ZNF140: variants seen among roughly 807,000 people sequenced by gnomAD.
The protein encoded by ZNF140 is zinc finger protein 140 (clone pHZ-39).
ZNF140 carries 13 observed loss-of-function variants against 12.9 expected under a neutral mutation model. That is an observed-to-expected ratio of 1.01 (90% CI 0.66 to 1.60). The LOEUF is 1.60. Among genes scored for constraint, ZNF140 ranks in the 40% most tolerant of loss-of-function variants. ZNF140 has a pLI of 0.00. For missense variants in ZNF140, 531 were observed against 548.8 expected (o/e 0.97, Z 0.32); for synonymous variants, 214 against 186.7 (o/e 1.15, Z -1.19).
At chr12:133,083,368 T>G in intron 3 of ZNF140, 98 bp from the exon 4 acceptor site, 2 of 1,504,596 alleles carry the variant, frequency 1.3e-6, no homozygotes, top group Non-Finnish European at 1.8e-6. Context: ...CTGCACCTTA[T>G]TTTTAGACAT....
intron 2 of ZNF140, chr12:133,081,745 A>G (rs1324158728): frequency 2.9e-6 from 1 of 340,348 alleles, no homozygotes; most frequent in Non-Finnish European, 5.8e-6. Flanking sequence ...CCTCTTTCCC[A>G]CAGTGTTAGA....
rs988866575 is a variant in ZNF140 at position 133,096,013 on chromosome 12, C to T, written c.233-9497C>T. Among the ~76,000 whole-genome samples the T allele has an allele frequency of 2.4e-3, 355 of 150,544 alleles. 5 individuals carry two copies. Among genetic ancestry groups the T allele is most frequent in the African/African-American group, 6.2e-3 (257 of 41,180 alleles). ...TCTATCTCAACTGCAAGAGGCTTTCCTCTTTTACCAATCCACCTCAGCACA... is the reference window on the plus strand; with the variant it reads ...TCTATCTCAACTGCAAGAGGCTTTCTTCTTTTACCAATCCACCTCAGCACA... On this transcript the variant is annotated intron_variant, in intron 4 of 4. Transcript: ENST00000355557.
intron 4 of ZNF140, among the ~76,000 whole-genome samples, chr12:133,087,941 G>T (rs1348413959): frequency 2.0e-5 from 3 of 152,016 alleles, no homozygotes; most frequent in Non-Finnish European, 4.4e-5. Context: ...GACCAGCTTG[G>T]CCAACATGGT....
In ZNF140 at chr12:133,086,267, A is replaced by G. The variant is rs769005550; in HGVS notation, c.232+2706A>G. ...AATGCACCTCTTTATGTTATTAGAT[A>G]ATGCCAAAATGTTTTCCAAAGACCC... On this transcript the variant is annotated intron_variant, in intron 4 of 4. Coordinates refer to ENST00000355557, the MANE Select transcript of ZNF140 (RefSeq NM_003440.4). Among the ~76,000 whole-genome samples, 802 of 152,294 alleles carry G rather than the reference A, an allele frequency of 5.3e-3. 8 individuals are homozygous for G. The highest frequency in any genetic ancestry group is 0.019 in the African/African-American group (779 of 41,548).
At position 133,082,919 on chromosome 12, in the gene ZNF140, C is replaced by T. The variant is rs1593739109; in HGVS notation, c.10-184C>T. ...ATAATTTATGTTTTTCTCCTTTTCT[C>T]CAGTTATACAACAAAACACAAGAGC... On this transcript the variant is annotated intron_variant, in intron 2 of 4. Transcript: ENST00000355557. 24 of 742,080 alleles carry T rather than the reference C, an allele frequency of 3.2e-5. No homozygotes were observed. The East Asian group carries it at 6.2e-4, about 19-fold the overall frequency. 46.0% of individuals were successfully genotyped at this position (742,080 alleles called of 1,614,324 possible).
At chr12:133,103,404 G>T (rs1204167014) in intron 4 of ZNF140, among the ~76,000 whole-genome samples, 1 of 151,506 alleles carries the variant, frequency 6.6e-6, no homozygotes, top group East Asian at 1.9e-4. Flanking sequence ...AAGTACAGAT[G>T]CACAGTACCG....
chr12:133,096,714 C>T (rs1468406956), intron 4 of ZNF140, among the ~76,000 whole-genome samples: 1 of 152,116 alleles, frequency 6.6e-6, no homozygotes, highest in Non-Finnish European at 1.5e-5. Context: ...TGGTTTCATT[C>T]CATTGTGGTC....
At chr12:133,099,291 G>T (rs1955247927) in intron 4 of ZNF140, among the ~76,000 whole-genome samples, 1 of 151,986 alleles carries the variant, frequency 6.6e-6, no homozygotes. Context: ...TCCTGCCTCA[G>T]CTTCCTTCCT....
chr12:133,081,372 A>ATATATATAT lies in ZNF140; in HGVS notation c.9+43_9+44insTATATATAT, dbSNP rs1954490088. 1.4e-3 allele frequency: 147 copies of ATATATATAT among 108,378 alleles called. 2 individuals are homozygous for ATATATATAT. The highest frequency in any genetic ancestry group is 6.1e-3 in the African/African-American group (87 of 14,274). 6.7% of individuals were successfully genotyped at this position (108,378 alleles called of 1,614,324 possible). On this transcript the variant is annotated intron_variant, in intron 2 of 4. Transcript: ENST00000355557. ...AAATATATATATATATATATATATA[A>ATATATATAT]ATTTTTATTTTTTTTTTAAGAGAGA...
chr12:133,081,229 C>T, intron 1 of ZNF140, 44 bp from the exon 2 acceptor site: 3 of 1,021,920 alleles, frequency 2.9e-6, no homozygotes, highest in Middle Eastern at 3.3e-4. Flanking sequence ...TTGGGCGCGG[C>T]CTAGCTGGCC....
Position 133,105,853 on chromosome 12 carries a change from G to C in ZNF140, c.576G>C (p.Lys192Asn). 1 of 1,614,092 alleles carries C rather than the reference G, an allele frequency of 6.2e-7. No individual in the cohort carries two copies. Among genetic ancestry groups the C allele is most frequent in the Non-Finnish European group, 8.5e-7 (1 of 1,180,020 alleles). ...CTGGAGAGAAACCATATGCATGTAA[G>C]GAATGTGGCAAAACCTTTAGCCAGA... is the stretch of plus-strand genomic sequence containing the variant. ...THTGEKPYAC[K>N]ECGKTFSQIS... Residue 192 changes from lysine to asparagine, a missense_variant, in exon 5 of 5, where the codon AAG becomes AAC. Physicochemically the swap from Lys to Asn is moderately conservative, Grantham distance 94 (BLOSUM62 0). Coordinates refer to ENST00000355557, the MANE Select transcript of ZNF140 (RefSeq NM_003440.4).
intron 4 of ZNF140, chr12:133,093,655 C>G (rs920831271): frequency 2.0e-5 from 12 of 586,362 alleles, no homozygotes; most frequent in African/African-American, 5.7e-5. Context: ...TTCTTTTTAC[C>G]AGTAAAATGT....
intron 4 of ZNF140, among the ~76,000 whole-genome samples, chr12:133,101,798 A>G (rs1453790005): frequency 1.3e-5 from 2 of 152,076 alleles, no homozygotes; most frequent in African/African-American, 4.8e-5. Flanking sequence ...TAAAATTTTC[A>G]TTTATCTCCT....
chr12:133,095,430 A>G (rs1593775441), intron 4 of ZNF140, among the ~76,000 whole-genome samples: 1 of 150,834 alleles, frequency 6.6e-6, no homozygotes, highest in Non-Finnish European at 1.5e-5. Context: ...CGTTCTTAGC[A>G]TACCTTCACC....
chr12:133,083,304 A>AT, intron 3 of ZNF140, 75 bp downstream of exon 3: 1 of 1,555,696 alleles, frequency 6.4e-7, no homozygotes, highest in South Asian at 1.2e-5. Context: ...CTGGCTGAAT[A>AT]TTCCCAAGAG....
chr12:133,101,960 T>G (rs1217312951), intron 4 of ZNF140, among the ~76,000 whole-genome samples: 1 of 143,942 alleles, frequency 6.9e-6, no homozygotes, highest in East Asian at 2.0e-4. Flanking sequence ...CTGTTCAAAC[T>G]TTTTTTTTTT....
At chr12:133,095,631 C>CT (rs1425496096) in intron 4 of ZNF140, among the ~76,000 whole-genome samples, 1 of 151,460 alleles carries the variant, frequency 6.6e-6, no homozygotes, top group Admixed American at 6.6e-5. Flanking sequence ...GCACCGGCCT[C>CT]TGAGTTCCCT....
At chr12:133,103,439 T>G (rs1434827539) in intron 4 of ZNF140, among the ~76,000 whole-genome samples, 1 of 149,140 alleles carries the variant, frequency 6.7e-6, no homozygotes, top group South Asian at 2.1e-4. Context: ...TTTTTTTTTT[T>G]TTTTTTGGGT....
intron 4 of ZNF140, among the ~76,000 whole-genome samples, chr12:133,086,138 G>C (rs1233900314): frequency 2.6e-5 from 4 of 152,024 alleles, no homozygotes; most frequent in Non-Finnish European, 2.9e-5. Flanking sequence ...TGCACATTTA[G>C]AGATACTGCA....
Sources: gnomAD v4.1 joint callset for allele counts (sites outside exome capture counted in the v4.1 genomes callset) on GRCh38, gnomAD v4.1.1 for gene constraint, MANE v1.5 for transcripts, NCBI Gene and HGNC (gene_info 2026-07-23, HGNC 2026-07-21) for gene names.